The following ATF6 variants were observed in gnomAD, a reference collection of about 807,000 sequenced individuals.
The protein encoded by ATF6 is cyclic AMP-dependent transcription factor ATF-6 alpha.
Under a neutral mutation model 83.6 loss-of-function variants are expected in ATF6, and 53 were observed. That is an observed-to-expected ratio of 0.63 (90% confidence interval 0.51 to 0.80). The LOEUF (loss-of-function observed/expected upper bound fraction) is 0.80, where lower values mean the gene tolerates loss of function less well. ATF6 is among the 30% of genes least tolerant of loss of function. The pLI is 0.00. For missense variants in ATF6, 744 were observed against 797.9 expected (o/e 0.93, Z 0.81); for synonymous variants, 288 against 285.8 (o/e 1.01, Z -0.08).
chr1:161,948,839 C>G (rs1688810461), intron 15 of ATF6, among the ~76,000 whole-genome samples: 1 of 152,194 alleles, frequency 6.6e-6, no homozygotes, highest in Admixed American at 6.5e-5. Flanking sequence ...TTGTAAGGAA[C>G]TGAAGGAAGT....
intron 14 of ATF6, among the ~76,000 whole-genome samples, chr1:161,902,282 C>T (rs1323783707): frequency 6.6e-6 from 1 of 152,172 alleles, no homozygotes; most frequent in African/African-American, 2.4e-5. Flanking sequence ...CATTATGCTT[C>T]AGTAGGCAGC....
At chr1:161,850,469 A>T (rs1024409550) in intron 10 of ATF6, among the ~76,000 whole-genome samples, 9 of 152,174 alleles carry the variant, frequency 5.9e-5, no homozygotes, top group African/African-American at 1.7e-4. Context: ...CATTTTATCT[A>T]AAGTATATAC....
chr1:161,872,071 C>T (rs527883478), intron 14 of ATF6, among the ~76,000 whole-genome samples: 2 of 151,712 alleles, frequency 1.3e-5, no homozygotes, highest in Admixed American at 6.6e-5. Flanking sequence ...AACACTTATA[C>T]AGAACACAAT....
intron 14 of ATF6, among the ~76,000 whole-genome samples, chr1:161,885,027 A>T (rs1687392666): frequency 6.6e-6 from 1 of 152,166 alleles, no homozygotes; most frequent in Admixed American, 6.5e-5. Context: ...TTGGTTAACC[A>T]CTACTTTACT....
chr1:161,839,417 C>T (rs537909569), intron 9 of ATF6, among the ~76,000 whole-genome samples: 16 of 152,158 alleles, frequency 1.1e-4, no homozygotes, highest in African/African-American at 3.9e-4. Flanking sequence ...GGCTGAAGTA[C>T]AGCAATGCAA....
In ATF6 at chr1:161,961,697, A is replaced by G. The variant is rs1689103697; in HGVS notation, c.*3043A>G. 1 of 152,038 alleles carries G rather than the reference A, an allele frequency of 6.6e-6. No homozygotes were observed. Among genetic ancestry groups the G allele is most frequent in the Non-Finnish European group, 1.5e-5 (1 of 68,028 alleles). 9.4% of individuals were successfully genotyped at this position (152,038 alleles called of 1,614,324 possible). A position where few individuals can be genotyped will look rare whatever the true frequency, so the allele number is the denominator to read the frequency against. On this transcript the variant is annotated 3_prime_UTR_variant, in exon 16 of 16. Coordinates refer to ENST00000367942, the MANE Select transcript of ATF6 (RefSeq NM_007348.4). ...GTGCAAGCTTATGAGACAATTAGAT[A>G]AACTCATGGAGGAGGCAGGTCCTCC... is the stretch of plus-strand genomic sequence containing the variant.
At chr1:161,856,543 A>G (rs2101831828) in intron 12 of ATF6, among the ~76,000 whole-genome samples, 1 of 152,304 alleles carries the variant, frequency 6.6e-6, no homozygotes, top group Non-Finnish European at 1.5e-5. Flanking sequence ...CAGAATCTAA[A>G]TTATATCCAG....
intron 15 of ATF6, among the ~76,000 whole-genome samples, chr1:161,947,035 C>T (rs899905761): frequency 3.3e-5 from 5 of 152,096 alleles, no homozygotes; most frequent in South Asian, 2.1e-4. Flanking sequence ...TTCCATTTTC[C>T]GAGAGAAATA....
intron 15 of ATF6, among the ~76,000 whole-genome samples, chr1:161,917,369 T>G (rs1688120070): frequency 6.6e-6 from 1 of 152,200 alleles, no homozygotes; most frequent in South Asian, 2.1e-4. Flanking sequence ...AAATTTATCA[T>G]TTATGTTTCA....
At chr1:161,906,244 A>C (rs1179918496) in intron 14 of ATF6, among the ~76,000 whole-genome samples, 1 of 152,216 alleles carries the variant, frequency 6.6e-6, no homozygotes. Context: ...CCCTAGGGAG[A>C]TCAATCCTGA....
At chr1:161,788,627 G>A (rs1684801618) in intron 4 of ATF6, among the ~76,000 whole-genome samples, 1 of 151,440 alleles carries the variant, frequency 6.6e-6, no homozygotes, top group African/African-American at 2.4e-5. Flanking sequence ...TGCTTTTAGA[G>A]CACAGAGGTA....
At chr1:161,854,512 A>C (rs2101829556) in intron 12 of ATF6, among the ~76,000 whole-genome samples, 1 of 152,248 alleles carries the variant, frequency 6.6e-6, no homozygotes, top group East Asian at 1.9e-4. Flanking sequence ...CTCGAGAAGA[A>C]GACAAGGGTT....
chr1:161,803,317 A>C (rs1685201806), intron 7 of ATF6, among the ~76,000 whole-genome samples: 1 of 152,228 alleles, frequency 6.6e-6, no homozygotes, highest in Non-Finnish European at 1.5e-5. Flanking sequence ...TTGTCTGGTG[A>C]AAGTAGAACA....
In ATF6 at chr1:161,783,996, A is replaced by G; in HGVS notation, c.254A>G (p.Asp85Gly). The change falls in exon 4 of 16, where the codon GAT (aspartate) becomes GGT (glycine). Residue 85 changes from aspartate to glycine, a missense_variant. Coordinates refer to ENST00000367942, the MANE Select transcript of ATF6 (RefSeq NM_007348.4). ...DINNQICTVK[D>G]IKAEPQPLSP... ...TTTCCTCCATGTTTTCCAGTTAAAG[A>G]TATTAAGGCAGAACCTCAGCCACTT... The G allele has an allele frequency of 6.2e-7, 1 of 1,608,992 alleles. No homozygotes were observed. Among genetic ancestry groups the G allele is most frequent in the Non-Finnish European group, 8.5e-7 (1 of 1,175,692 alleles).
intron 7 of ATF6, among the ~76,000 whole-genome samples, chr1:161,817,040 A>G (rs1164424427): frequency 6.6e-6 from 1 of 152,190 alleles, no homozygotes; most frequent in Non-Finnish European, 1.5e-5. Context: ...TTTCAGAACT[A>G]TTATAGTGTA....
intron 1 of ATF6, among the ~76,000 whole-genome samples, chr1:161,775,877 G>T (rs893568792): frequency 9.9e-5 from 14 of 141,580 alleles, no homozygotes; most frequent in African/African-American, 3.2e-4. Context: ...ACAGAACTAG[G>T]AAATATATAT....
intron 15 of ATF6, among the ~76,000 whole-genome samples, chr1:161,928,339 T>C (rs1380013423): frequency 2.6e-5 from 4 of 152,226 alleles, no homozygotes; most frequent in Admixed American, 2.6e-4. Flanking sequence ...GTTCTGGTCA[T>C]CTATTACATA....
At chr1:161,892,628 C>CTTTTTTTTT (rs773642361) in intron 14 of ATF6, among the ~76,000 whole-genome samples, 6 of 124,680 alleles carry the variant, frequency 4.8e-5, no homozygotes, top group East Asian at 2.4e-4. Context: ...ACAGGTCATT[C>CTTTTTTTTT]TTTTTTTTTT....
At chr1:161,835,208 G>A (rs191434349) in intron 9 of ATF6, among the ~76,000 whole-genome samples, 22 of 152,176 alleles carry the variant, frequency 1.4e-4, no homozygotes, top group Admixed American at 2.0e-4. Context: ...ACACACCACC[G>A]TACCTGGCTC....
Sources: gnomAD v4.1 joint callset for allele counts (sites outside exome capture counted in the v4.1 genomes callset) on GRCh38, gnomAD v4.1.1 for gene constraint, MANE v1.5 for transcripts, NCBI Gene and HGNC (gene_info 2026-07-23, HGNC 2026-07-21) for gene names.